The following RBFOX3 variants were observed in gnomAD, a reference collection of about 807,000 sequenced individuals.
RBFOX3 encodes the protein RNA binding fox-1 homolog 3.
Under a neutral mutation model 48.7 loss-of-function variants are expected in RBFOX3, and 17 were observed. The observed-to-expected ratio is 0.35, with a 90% confidence interval of 0.24 to 0.52. The LOEUF (loss-of-function observed/expected upper bound fraction) is 0.52. Ranked by LOEUF, RBFOX3 falls within the 20% of genes least tolerant of loss-of-function variation. The probability of loss-of-function intolerance (pLI) is 0.94; values close to 1 mark genes in which losing one functional copy is unlikely to be tolerated. For synonymous variants in RBFOX3, 212 were observed against 209.5 expected (o/e 1.01, Z -0.10); for missense variants, 382 against 497.5 (o/e 0.77, Z 2.21).
intron 14 of RBFOX3, chr17:79,091,822 C>A: frequency 6.7e-6 from 3 of 445,196 alleles, no homozygotes; most frequent in Non-Finnish European, 8.9e-6. Flanking sequence ...CCCTGAGGAG[C>A]GACCAGGACG....
chr17:79,297,065 G>A lies in RBFOX3; in HGVS notation c.-74+10659C>T, dbSNP rs146333161. Reference sequence around the variant, plus strand: ...CTTTTTCCTCCTGATCTTGGCCAGTGTCTTGCTCTGTGTGCGTTCATTTTC... The same window carrying A: ...CTTTTTCCTCCTGATCTTGGCCAGTATCTTGCTCTGTGTGCGTTCATTTTC... On this transcript the variant is annotated intron_variant, in intron 3 of 14. Coordinates refer to ENST00000693108, the MANE Select transcript of RBFOX3 (RefSeq NM_001350451.2). 7.6e-3 allele frequency among the ~76,000 whole-genome samples: 1,152 copies of A among 151,240 alleles called. 19 individuals carry two copies. Among genetic ancestry groups the A allele is most frequent in the African/African-American group, 0.026 (1,076 of 41,044 alleles).
At chr17:79,175,139 C>T (rs1445660843) in intron 4 of RBFOX3, among the ~76,000 whole-genome samples, 1 of 152,226 alleles carries the variant, frequency 6.6e-6, no homozygotes, top group Non-Finnish European at 1.5e-5. Flanking sequence ...GCCAGGGCAG[C>T]GGTGACTCAT....
chr17:79,248,694 A>G (rs1164599475), intron 3 of RBFOX3, among the ~76,000 whole-genome samples: 1 of 152,084 alleles, frequency 6.6e-6, no homozygotes, highest in Non-Finnish European at 1.5e-5. Flanking sequence ...GAGGATTCTC[A>G]CCCCACAACC....
At chr17:79,234,357 G>T (rs544865890) in intron 4 of RBFOX3, 1 of 152,294 alleles carries the variant, frequency 6.6e-6, no homozygotes, top group East Asian at 1.9e-4. Flanking sequence ...TAGTTCTAAT[G>T]TCAGGTCTAG....
chr17:79,525,908 C>T (rs903178338), intron 1 of RBFOX3, among the ~76,000 whole-genome samples: 12 of 152,286 alleles, frequency 7.9e-5, no homozygotes, highest in South Asian at 2.1e-4. Context: ...GAGGAAAGCC[C>T]GAGAAAAGTG....
At chr17:79,558,875 G>A (rs2091975203) in intron 1 of RBFOX3, among the ~76,000 whole-genome samples, 1 of 152,146 alleles carries the variant, frequency 6.6e-6, no homozygotes, top group African/African-American at 2.4e-5. Flanking sequence ...GCACAGAGAG[G>A]CTTGCTAAGG....
At position 79,198,661 on chromosome 17, in the gene RBFOX3, T is replaced by C. The variant is rs185033827; in HGVS notation, c.-34+37105A>G. Among the ~76,000 whole-genome samples the C allele has an allele frequency of 1.8e-4, 28 of 151,936 alleles. No homozygotes were observed. The highest frequency in any genetic ancestry group is 9.2e-4 in the Admixed American group (14 of 15,252). ...TTTTTTTTAAGATGGAGTCTTGCTC[T>C]GTCACTCAAGCTGGAGTGCAGTGGC... On this transcript the variant is annotated intron_variant, in intron 4 of 14. Transcript: ENST00000693108. This position sits in a 1 kb window ranked among gnomAD's most constrained non-coding sequence, Gnocchi z 8.2.
chr17:79,292,399 G>A (rs1272572790), intron 3 of RBFOX3, among the ~76,000 whole-genome samples: 1 of 152,204 alleles, frequency 6.6e-6, no homozygotes, highest in African/African-American at 2.4e-5. Flanking sequence ...GACCAGTGCT[G>A]TCTCCCCACT....
chr17:79,624,812 C>T, the RBFOX3 span, among the ~76,000 whole-genome samples: 11 of 139,218 alleles, frequency 7.9e-5, no homozygotes, highest in Admixed American at 4.3e-4. Context: ...AAGGCACCCC[C>T]GCCCCCCACC....
At chr17:79,433,496 A>G (rs2068836779) in intron 2 of RBFOX3, among the ~76,000 whole-genome samples, 1 of 152,200 alleles carries the variant, frequency 6.6e-6, no homozygotes, top group Admixed American at 6.5e-5. Context: ...ACAGAATGTG[A>G]GCAGACAATG....
At chr17:79,295,758 G>C (rs1163654368) in intron 3 of RBFOX3, among the ~76,000 whole-genome samples, 1 of 152,138 alleles carries the variant, frequency 6.6e-6, no homozygotes, top group East Asian at 1.9e-4. Flanking sequence ...AAGCTGCTCA[G>C]GCACAGCTTG....
intron 4 of RBFOX3, among the ~76,000 whole-genome samples, chr17:79,208,877 G>A (rs890732929): frequency 6.6e-6 from 1 of 151,820 alleles, no homozygotes; most frequent in Non-Finnish European, 1.5e-5. Flanking sequence ...GTGCAGTGAT[G>A]TGATCTCGGC....
intron 1 of RBFOX3, among the ~76,000 whole-genome samples, chr17:79,530,405 A>G (rs1266664632): frequency 1.3e-5 from 2 of 152,166 alleles, no homozygotes; most frequent in African/African-American, 4.8e-5. Context: ...CAAATCTGCC[A>G]AAGAGTATGA....
At chr17:79,467,919 G>A (rs1162021238) in intron 2 of RBFOX3, among the ~76,000 whole-genome samples, 1 of 151,936 alleles carries the variant, frequency 6.6e-6, no homozygotes, top group Admixed American at 6.5e-5. Context: ...TGTGGCTCCT[G>A]AGCATGGCCT....
intron 6 of RBFOX3, among the ~76,000 whole-genome samples, chr17:79,106,251 G>A (rs1019293365): frequency 6.6e-6 from 1 of 152,168 alleles, no homozygotes; most frequent in Non-Finnish European, 1.5e-5. Flanking sequence ...ACCCTCTTGC[G>A]AGGAGACAGG....
intron 1 of RBFOX3, among the ~76,000 whole-genome samples, chr17:79,586,033 G>C (rs2093239395): frequency 6.6e-6 from 1 of 152,202 alleles, no homozygotes; most frequent in South Asian, 2.1e-4. Context: ...CTTGCCCCTG[G>C]TGTGGACTGA....
At chr17:79,440,028 CTGCCCGAGCCTCA>C (rs1310867451) in intron 2 of RBFOX3, among the ~76,000 whole-genome samples, 1 of 132,110 alleles carries the variant, frequency 7.6e-6, no homozygotes, top group Non-Finnish European at 1.7e-5. Flanking sequence ...ACTCATGAGG[CTGCCCGAGCCTCA>C]CACCCGGGCC....
upstream of RBFOX3, among the ~76,000 whole-genome samples, chr17:79,611,356 G>A (rs2093968656): frequency 2.0e-5 from 3 of 151,830 alleles, no homozygotes; most frequent in South Asian, 6.2e-4. Context: ...GAGGGCGGCG[G>A]AGCGGGGAGA....
At chr17:79,452,401 G>C (rs1036136769) in intron 2 of RBFOX3, among the ~76,000 whole-genome samples, 4 of 152,366 alleles carry the variant, frequency 2.6e-5, no homozygotes, top group Non-Finnish European at 5.9e-5. Context: ...AGAAGGCAGA[G>C]CTCCAGCAAG....
Sources: allele counts gnomAD v4.1 joint callset (sites outside exome capture counted in the v4.1 genomes callset), GRCh38; gene constraint gnomAD v4.1.1; non-coding constraint Gnocchi (gnomAD v3.1); transcripts MANE v1.5; gene names NCBI Gene and HGNC (gene_info 2026-07-23, HGNC 2026-07-21).